CEACAM8: variants seen among roughly 807,000 people sequenced by gnomAD.
CEACAM8 encodes CEA cell adhesion molecule 8, also known as cell adhesion molecule CEACAM8.
In CEACAM8, 31 loss-of-function variants were observed where a neutral mutation model predicts 33.4. The observed-to-expected ratio is 0.93, with a 90% CI of 0.70 to 1.25. The LOEUF (loss-of-function observed/expected upper bound fraction) is 1.25. Ranked by LOEUF, CEACAM8 falls within the 50% of genes most tolerant of loss-of-function variation. The pLI is 0.00. For missense variants in CEACAM8, 388 were observed against 434.6 expected (o/e 0.89, Z 0.95); for synonymous variants, 138 against 164.5 (o/e 0.84, Z 1.23).
At chr19:42,581,593 T>C (rs1409533215) in intron 5 of CEACAM8, among the ~76,000 whole-genome samples, 1 of 152,032 alleles carries the variant, frequency 6.6e-6, no homozygotes, top group Admixed American at 6.5e-5. Context: ...TTCCATGTAA[T>C]TTAACATATC....
In CEACAM8 at chr19:42,591,018, A is replaced by G. The variant is rs967507923; in HGVS notation, c.425-1283T>C. Among the ~76,000 whole-genome samples the G allele has an allele frequency of 2.4e-4, 36 of 152,356 alleles. 1 individual carries two copies. The highest frequency in any genetic ancestry group is 7.9e-4 in the African/African-American group (33 of 41,584). Reference sequence around the variant, plus strand: ...ATCCCAAATCCAAAATGCTCCAGTGAGCATTTCTTTTGAGAATCACGTTAG... The same window carrying G: ...ATCCCAAATCCAAAATGCTCCAGTGGGCATTTCTTTTGAGAATCACGTTAG... On this transcript the variant is annotated intron_variant, in intron 2 of 5. Coordinates refer to ENST00000244336, the MANE Select transcript of CEACAM8 (RefSeq NM_001816.4).
chr19:42,588,806 T>C lies in CEACAM8; in HGVS notation c.936A>G (p.Thr312=), dbSNP rs2042379321. 5 of 1,614,186 alleles carry C rather than the reference T, an allele frequency of 3.1e-6. No individual in the cohort carries two copies. The highest frequency in any genetic ancestry group is 4.2e-6 in the Non-Finnish European group (5 of 1,180,016). Residue 312 remains threonine, a synonymous_variant, in exon 4 of 6, where the codon ACA becomes ACG. Coordinates refer to ENST00000244336, the MANE Select transcript of CEACAM8 (RefSeq NM_001816.4). ...TACCAGAGACTGTGATCATCCTGAC[T>C]GTGGTCCTGTTGCGGCCAGTGGCTG... ...TNSATGRNRT[T]VRMITVSDAL... is the part of the protein sequence containing the mutation.
chr19:42,587,216 C>G (rs2353738), intron 4 of CEACAM8, among the ~76,000 whole-genome samples: 2 of 152,178 alleles, frequency 1.3e-5, no homozygotes, highest in East Asian at 3.8e-4. Flanking sequence ...AAAGAATTAC[C>G]ATTGGATCCA....
chr19:42,583,386 C>T, intron 4 of CEACAM8, 49 bp from the exon 5 acceptor site: 2 of 1,267,968 alleles, frequency 1.6e-6, no homozygotes, highest in Non-Finnish European at 2.3e-6. Flanking sequence ...TGCCATTTTA[C>T]AGTGGGGTAC....
Position 42,593,616 on chromosome 19 carries a change from T to G in CEACAM8, c.349A>C (p.Thr117Pro). ...ATGACTTGTAGGGTGTAGGATCCTGTGTCATTTCTGGTGACGTTCCGCATC... is the reference window on the plus strand; with the variant it reads ...ATGACTTGTAGGGTGTAGGATCCTGGGTCATTTCTGGTGACGTTCCGCATC... The part of the protein sequence containing the change: ...LLMRNVTRND[T>P]GSYTLQVIKL... Residue 117 changes from threonine (T) to proline (P), a missense_variant, in exon 2 of 6, where the codon ACA becomes CCA. Thr to Pro is a conservative substitution (Grantham distance 38). Transcript: ENST00000244336. 1 of 1,613,166 alleles carries G rather than the reference T, an allele frequency of 6.2e-7. No homozygotes were observed. Among genetic ancestry groups the G allele is most frequent in the Non-Finnish European group, 8.5e-7 (1 of 1,179,388 alleles).
chr19:42,591,113 T>C (rs774507921), intron 2 of CEACAM8, among the ~76,000 whole-genome samples: 55 of 152,192 alleles, frequency 3.6e-4, no homozygotes, highest in Non-Finnish European at 6.3e-4. Context: ...GTAACTCTAA[T>C]TTGCATTTTA....
intron 2 of CEACAM8, among the ~76,000 whole-genome samples, chr19:42,591,652 C>T (rs754732267): frequency 1.1e-4 from 16 of 152,164 alleles, no homozygotes; most frequent in East Asian, 1.9e-4. Context: ...CTAAGTGAGA[C>T]GCCAGTGGCT....
At chr19:42,582,498 G>C (rs1250361934) in intron 5 of CEACAM8, among the ~76,000 whole-genome samples, 1 of 152,106 alleles carries the variant, frequency 6.6e-6, no homozygotes, top group African/African-American at 2.4e-5. Context: ...CTGAATCTCA[G>C]GTTCACACAT....
intron 4 of CEACAM8, among the ~76,000 whole-genome samples, chr19:42,588,488 T>C (rs963596942): frequency 4.6e-5 from 7 of 152,144 alleles, no homozygotes; most frequent in African/African-American, 1.7e-4. Context: ...AACTTGACCT[T>C]GAGGACCCTC....
intron 3 of CEACAM8, 127 bp downstream of exon 3, chr19:42,589,330 G>C: frequency 7.0e-7 from 1 of 1,434,154 alleles, no homozygotes. Flanking sequence ...AAGTCATGAC[G>C]AGCTGGGTTT....
Position 42,589,634 on chromosome 19 carries a change from A to G in CEACAM8, c.526T>C (p.Tyr176His). 6.2e-7 allele frequency: 1 copy of G among 1,614,226 alleles called. No individual in the cohort carries two copies. Among genetic ancestry groups the G allele is most frequent in the Non-Finnish European group, 8.5e-7 (1 of 1,180,036 alleles). The change falls in exon 3 of 6, where the codon TAC becomes CAC. Residue 176 changes from tyrosine to histidine, a missense_variant. Transcript: ENST00000244336. ...CTCTGACCATTTACCCACCACAGGT[A>G]GGTTGTGTTCTGAGTCTCAGGTTCA... ...TCEPETQNTT[Y>H]LWWVNGQSLP...
chr19:42,586,363 A>G (rs1182184936), intron 4 of CEACAM8, among the ~76,000 whole-genome samples: 2 of 152,254 alleles, frequency 1.3e-5, no homozygotes, highest in Non-Finnish European at 2.9e-5. Context: ...AGTAATCAAT[A>G]CAATGCAGTA....
At chr19:42,582,808 G>A (rs1688400073) in intron 5 of CEACAM8, among the ~76,000 whole-genome samples, 1 of 152,202 alleles carries the variant, frequency 6.6e-6, no homozygotes, top group Non-Finnish European at 1.5e-5. Flanking sequence ...TCTTGAGTAA[G>A]TGAGTGAACT....
rs761615686 is a variant in CEACAM8, at chr19:42,589,531, A to G, written c.629T>C (p.Val210Ala). The change falls in exon 3 of 6, where the codon GTA (valine) becomes GCA (alanine). Residue 210 changes from valine (V) to alanine (A), a missense_variant. Physicochemically the swap from Val to Ala is moderately conservative, Grantham distance 64 (BLOSUM62 0). Transcript: ENST00000244336. ...LTLLSVTRND[V>A]GPYECEIQNP... is the part of the protein sequence containing the mutation. Reference sequence around the variant, plus strand: ...CTGTATTTCACATTCATAGGGTCCTACGTCATTCCTTGTGACACTGAGTAG... The same window carrying G: ...CTGTATTTCACATTCATAGGGTCCTGCGTCATTCCTTGTGACACTGAGTAG... 1.2e-6 allele frequency: 2 copies of G among 1,614,066 alleles called. No homozygotes were observed. Among genetic ancestry groups the G allele is most frequent in the Non-Finnish European group, 1.7e-6 (2 of 1,180,030 alleles).
rs549827948 is a variant in CEACAM8 at position 42,594,830 on chromosome 19, G to T, written c.-2C>A. ...GGAAGGGGCTGAGATGGGCCCCATG[G>T]TCTCTGCTGCCTGCGTGTTCTCCTC... On this transcript the variant is annotated 5_prime_UTR_variant, in exon 1 of 6. Coordinates refer to ENST00000244336, the MANE Select transcript of CEACAM8 (RefSeq NM_001816.4). 1.9e-6 allele frequency: 3 copies of T among 1,609,582 alleles called. No individual in the cohort carries two copies. Among genetic ancestry groups the T allele is most frequent in the East Asian group, 2.2e-5 (1 of 44,704 alleles).
At chr19:42,588,133 G>T (rs1392269853) in intron 4 of CEACAM8, among the ~76,000 whole-genome samples, 1 of 152,186 alleles carries the variant, frequency 6.6e-6, no homozygotes, top group African/African-American at 2.4e-5. Context: ...CTTCCCGGAG[G>T]CTCCCTGTCT....
chr19:42,590,006 G>A (rs971149543), intron 2 of CEACAM8, among the ~76,000 whole-genome samples: 2 of 152,182 alleles, frequency 1.3e-5, no homozygotes, highest in African/African-American at 4.8e-5. Context: ...GGGAGTTACA[G>A]ATCCTGGTGC....
chr19:42,587,980 T>A (rs541177225), intron 4 of CEACAM8, among the ~76,000 whole-genome samples: 3 of 152,278 alleles, frequency 2.0e-5, no homozygotes, highest in African/African-American at 7.2e-5. Context: ...CCTGGGCAAC[T>A]GGCACTACCC....
chr19:42,591,700 A>G (rs1221623987), intron 2 of CEACAM8, among the ~76,000 whole-genome samples: 3 of 152,174 alleles, frequency 2.0e-5, no homozygotes, highest in East Asian at 1.9e-4. Context: ...ATCTTATCAC[A>G]ATGGTGCCAT....
Sources: gnomAD v4.1 joint callset for allele counts (sites outside exome capture counted in the v4.1 genomes callset) on GRCh38, gnomAD v4.1.1 for gene constraint, MANE v1.5 for transcripts, NCBI Gene and HGNC (gene_info 2026-07-23, HGNC 2026-07-21) for gene names.